PIGG: variants seen among roughly 807,000 people sequenced by gnomAD.
PIGG encodes the protein GPI ethanolamine phosphate transferase 2, catalytic subunit.
Under a neutral mutation model 83.2 loss-of-function variants are expected in PIGG, and 70 were observed. The observed-to-expected ratio is 0.84, with a 90% CI of 0.69 to 1.03. The LOEUF (loss-of-function observed/expected upper bound fraction) is 1.03, where lower values mean the gene tolerates loss of function less well. Among genes scored for constraint, PIGG ranks in the 50% least tolerant of loss-of-function variants. The probability of loss-of-function intolerance (pLI) is 0.00; values close to 1 mark genes in which losing one functional copy is unlikely to be tolerated. For missense variants in PIGG, 1,257 were observed against 1,233.6 expected, an observed-to-expected ratio of 1.02 and a Z score of -0.28; for synonymous variants, 532 against 519.5, an observed-to-expected ratio of 1.02 and a Z score of -0.33.
At chr4:530,794 T>G (rs1173498952) in intron 11 of PIGG, 49 bp downstream of exon 11, 5 of 1,266,606 alleles carry the variant, frequency 3.9e-6, no homozygotes, top group Non-Finnish European at 4.4e-6. Context: ...TTTTACATAT[T>G]TATTTTAAAT....
chr4:526,409 C>T (rs1462147162), intron 9 of PIGG, among the ~76,000 whole-genome samples: 6 of 152,238 alleles, frequency 3.9e-5, no homozygotes, highest in African/African-American at 9.6e-5. Context: ...GCTGCACCAC[C>T]GCATCGCGGT....
intron 9 of PIGG, among the ~76,000 whole-genome samples, chr4:524,215 G>A (rs1187622740): frequency 1.3e-5 from 2 of 152,232 alleles, no homozygotes; most frequent in Non-Finnish European, 2.9e-5. Flanking sequence ...GATGCTATGT[G>A]GGGGTCAAGC....
Position 538,058 on chromosome 4 carries a change from C to CCCAGACACACACACGTGCCGACAGG in PIGG, c.2736-1095_2736-1094insCCAGACACACACACGTGCCGACAGG, listed in dbSNP as rs1560391247. Among the ~76,000 whole-genome samples, 200 of 141,176 alleles carry CCCAGACACACACACGTGCCGACAGG rather than the reference C, an allele frequency of 1.4e-3. 10 individuals are homozygous for CCCAGACACACACACGTGCCGACAGG. The highest frequency in any genetic ancestry group is 1.7e-3 in the Non-Finnish European group (109 of 64,098). The allele number at this position is 141,176 out of a possible 152,430, so 92.6% of individuals were successfully genotyped here. On this transcript the variant is annotated intron_variant, in intron 12 of 12. Transcript: ENST00000453061. Reference sequence around the variant, plus strand: ...TACAGGACATGCAGCGGGACCCACACACCCACACACACGTGCTGACAGGAC... The same window carrying CCCAGACACACACACGTGCCGACAGG: ...TACAGGACATGCAGCGGGACCCACACCCAGACACACACACGTGCCGACAGGACCCACACACACGTGCTGACAGGAC...
At position 499,302 on chromosome 4, in the gene PIGG, G is replaced by T; in HGVS notation, c.-34G>T. The T allele has an allele frequency of 6.3e-7, 1 of 1,597,918 alleles. No homozygotes were observed. The highest frequency in any genetic ancestry group is 1.1e-5 in the South Asian group (1 of 90,364). ...CTGCAGCAGGGCGAGGCTCCAGGTG[G>T]GGTCGGTTCCGCATCCAGCCTAGCG... On this transcript the variant is annotated 5_prime_UTR_variant, in exon 1 of 13. Coordinates refer to ENST00000453061, the MANE Select transcript of PIGG (RefSeq NM_001127178.3).
In PIGG at chr4:500,369, T is replaced by A. The variant is rs200383180; in HGVS notation, c.155-27T>A. The stretch of plus-strand genomic sequence containing the variant: ...TGCTAAGGAAAGTTTAGAGTTCAAT[T>A]TCCTTTTTTTTCTTTCAAACACTTA... On this transcript the variant is annotated intron_variant, in intron 1 of 12. Transcript: ENST00000453061. 3 of 1,563,462 alleles carry A rather than the reference T, an allele frequency of 1.9e-6. No homozygotes were observed. In the East Asian group the frequency reaches 6.7e-5, roughly 35 times the overall value.
Position 523,420 on chromosome 4 carries a change from T to C in PIGG, c.1615-39T>C, listed in dbSNP as rs762731137. The C allele has an allele frequency of 4.2e-6, 6 of 1,419,736 alleles. No homozygotes were observed. The African/African-American group carries it at 5.7e-5, about 13-fold the overall frequency. 87.9% of individuals were successfully genotyped at this position (1,419,736 alleles called of 1,614,324 possible). A position where few individuals can be genotyped will look rare whatever the true frequency, so the allele number is the denominator to read the frequency against. ...ACATGCAGCAAGATGTGTGTCGTTA[T>C]CAGACCGTCTCTTACAAAGTGCACT... On this transcript the variant is annotated intron_variant, in intron 8 of 12. Transcript: ENST00000453061.
rs1723367820 is a variant in PIGG at position 515,042 on chromosome 4, A to C, written c.902-931A>C. ...AGAAGCCGTCATTAGAGAGTTGGCC[A>C]AGACCTGATTAATAAATTTGACCAA... On this transcript the variant is annotated intron_variant, in intron 5 of 12. Transcript: ENST00000453061. This position sits in a 1 kb window ranked among gnomAD's most constrained non-coding sequence, Gnocchi z 4.2. Among the ~76,000 whole-genome samples the C allele has an allele frequency of 6.6e-6, 1 of 152,246 alleles. No homozygotes were observed. The highest frequency in any genetic ancestry group is 1.5e-5 in the Non-Finnish European group (1 of 68,040).
chr4:513,802 G>C (rs1235138530), intron 5 of PIGG, among the ~76,000 whole-genome samples: 1 of 152,122 alleles, frequency 6.6e-6, no homozygotes, highest in Non-Finnish European at 1.5e-5. Flanking sequence ...TTGTATTTCA[G>C]AATTACAGTT....
At chr4:506,827 G>A in intron 3 of PIGG, 1 of 456,046 alleles carries the variant, frequency 2.2e-6, no homozygotes, top group South Asian at 1.5e-5. Flanking sequence ...ACATGTAGAT[G>A]CCCTCAGCTT....
intron 10 of PIGG, 29 bp downstream of exon 10, chr4:527,259 A>G: frequency 1.9e-6 from 3 of 1,543,916 alleles, no homozygotes; most frequent in Non-Finnish European, 1.7e-6. Context: ...CGGGGTGCAT[A>G]GAGCCACTTT....
chr4:502,916 T>C (rs1718255627), intron 2 of PIGG, among the ~76,000 whole-genome samples: 2 of 150,610 alleles, frequency 1.3e-5, no homozygotes, highest in Admixed American at 1.3e-4. Context: ...GTTAAGTCCA[T>C]GATGTATAAA....
intron 2 of PIGG, among the ~76,000 whole-genome samples, chr4:504,048 A>T (rs190528717): frequency 1.8e-4 from 27 of 152,348 alleles, no homozygotes; most frequent in African/African-American, 6.0e-4. Flanking sequence ...GTATCCAGGC[A>T]AACCCCACCT....
chr4:526,643 C>T (rs1486005629), intron 9 of PIGG, among the ~76,000 whole-genome samples: 1 of 151,864 alleles, frequency 6.6e-6, no homozygotes, highest in Non-Finnish European at 1.5e-5. Context: ...TTGTCACCGC[C>T]TGGCCTCTGG....
chr4:513,907 T>G (rs1344288108), intron 5 of PIGG, among the ~76,000 whole-genome samples: 1 of 152,154 alleles, frequency 6.6e-6, no homozygotes, highest in Non-Finnish European at 1.5e-5. Flanking sequence ...TCTGGGGACT[T>G]GGTGACAAAG....
intron 5 of PIGG, among the ~76,000 whole-genome samples, chr4:513,070 G>A (rs1387649376): frequency 1.3e-5 from 2 of 152,174 alleles, no homozygotes; most frequent in African/African-American, 2.4e-5. Flanking sequence ...GCAGGCCACG[G>A]TTCAAGGGCT....
Position 499,473 on chromosome 4 carries a change from G to A in PIGG, c.138G>A (p.Ala46=), listed in dbSNP as rs782100682. The part of the protein sequence containing the change: ...ARAEHGAEPP[A]PEPSAGASSN... ...CGGAACACGGAGCGGAGCCCCCAGC[G>A]CCCGAACCCTCGGCTGGTACGGACC... Residue 46 remains alanine (A), a synonymous_variant, in exon 1 of 13, where the codon GCG becomes GCA. Transcript: ENST00000453061. 5 of 1,599,318 alleles carry A rather than the reference G, an allele frequency of 3.1e-6. No homozygotes were observed. The highest frequency in any genetic ancestry group is 4.2e-6 in the Non-Finnish European group (5 of 1,178,766).
At chr4:532,689 G>A in intron 11 of PIGG, 1 of 152,594 alleles carries the variant, frequency 6.6e-6, no homozygotes, top group Non-Finnish European at 1.5e-5. Context: ...AAGGGAGGAA[G>A]GAGCCAAGCT....
intron 12 of PIGG, among the ~76,000 whole-genome samples, chr4:534,859 C>T (rs575094995): frequency 1.3e-5 from 2 of 150,800 alleles, no homozygotes; most frequent in African/African-American, 4.9e-5. Flanking sequence ...GCAGAAGTTC[C>T]CCCCGGGGGA....
At position 508,960 on chromosome 4, in the gene PIGG, A is replaced by G; in HGVS notation, c.891A>G (p.Glu297=). 1.9e-6 allele frequency: 3 copies of G among 1,611,424 alleles called. No homozygotes were observed. Among genetic ancestry groups the G allele is most frequent in the East Asian group, 2.2e-5 (1 of 44,848 alleles). The part of the protein sequence containing the change: ...TPLILISSAF[E]RKPGDIRHPK... ...TGATTTTAATCAGTTCTGCGTTTGA[A>G]AGGAAACCCGGTGAGAATTTAGGAA... Residue 297 remains glutamate (E), a synonymous_variant, in exon 5 of 13, where the codon GAA becomes GAG. Transcript: ENST00000453061.
Sources: allele counts gnomAD v4.1 joint callset (sites outside exome capture counted in the v4.1 genomes callset), GRCh38; gene constraint gnomAD v4.1.1; non-coding constraint Gnocchi (gnomAD v3.1); transcripts MANE v1.5; gene names NCBI Gene and HGNC (gene_info 2026-07-23, HGNC 2026-07-21).